Variants in DYNC2H1 observed in about 807,000 individuals in gnomAD.
DYNC2H1 encodes dynein cytoplasmic 2 heavy chain 1, also known as cytoplasmic dynein 2 heavy chain 1.
A neutral mutation model predicts 570.0 loss-of-function variants in DYNC2H1; 410 were observed. The observed-to-expected ratio is 0.72, with a 90% CI of 0.66 to 0.78. The LOEUF (loss-of-function observed/expected upper bound fraction) is 0.78. Among genes scored for constraint, DYNC2H1 ranks in the 30% least tolerant of loss-of-function variants. The pLI, the probability that DYNC2H1 is intolerant of heterozygous loss-of-function variation, is 0.00. For synonymous variants in DYNC2H1, 1,688 were observed against 1,677.6 expected, an observed-to-expected ratio of 1.01 and a Z score of -0.15; for missense variants, 4,865 against 5,046.4, an observed-to-expected ratio of 0.96 and a Z score of 1.09.
At chr11:103,218,179 A>C (rs1055954245) in intron 55 of DYNC2H1, among the ~76,000 whole-genome samples, 1 of 152,200 alleles carries the variant, frequency 6.6e-6, no homozygotes, top group Non-Finnish European at 1.5e-5. Flanking sequence ...AAAGTTAAAC[A>C]TATCTTAGTA....
intron 2 of DYNC2H1, 139 bp downstream of exon 2, chr11:103,113,846 A>T (rs1858237775): frequency 1.1e-6 from 1 of 877,190 alleles, no homozygotes; most frequent in Admixed American, 3.9e-5. Flanking sequence ...ACTTTTTTTA[A>T]CTTAAATTTT....
chr11:103,174,218 G>A lies in DYNC2H1; in HGVS notation c.5674+48G>A, dbSNP rs140810065. 1.8e-5 allele frequency: 26 copies of A among 1,440,140 alleles called. No homozygotes were observed. The African/African-American group carries it at 3.4e-4, about 19-fold the overall frequency. The allele number at this position is 1,440,140 out of a possible 1,614,324, so 89.2% of individuals were successfully genotyped here. A position where few individuals can be genotyped will look rare whatever the true frequency, so the allele number is the denominator to read the frequency against. On this transcript the variant is annotated intron_variant, in intron 36 of 88. Transcript: ENST00000375735. ...CATTAACTTATTTTTAAAAACATAA[G>A]CGTTAATTTAGAATAGTTTGAGATT...
intron 84 of DYNC2H1, among the ~76,000 whole-genome samples, chr11:103,413,907 T>A (rs1056014791): frequency 6.6e-6 from 1 of 152,226 alleles, no homozygotes; most frequent in African/African-American, 2.4e-5. Context: ...GCAAGAGATT[T>A]TAACTTCCAG....
intron 2 of DYNC2H1, 115 bp from the exon 3 acceptor site, chr11:103,113,988 A>G: frequency 8.5e-7 from 1 of 1,182,080 alleles, no homozygotes; most frequent in South Asian, 1.5e-5. Flanking sequence ...CTTCTTATGA[A>G]GTGGAGGTAG....
intron 83 of DYNC2H1, among the ~76,000 whole-genome samples, chr11:103,386,142 T>C (rs1941860584): frequency 6.6e-6 from 1 of 152,198 alleles, no homozygotes; most frequent in Non-Finnish European, 1.5e-5. Flanking sequence ...CTTTAATATG[T>C]TATTCAACAT....
intron 83 of DYNC2H1, among the ~76,000 whole-genome samples, chr11:103,383,474 C>CTA (rs1555115737): frequency 3.5e-5 from 1 of 28,206 alleles, no homozygotes; most frequent in Non-Finnish European, 7.8e-5. Context: ...CCTTTTAAAT[C>CTA]TTTATTTTTT....
At chr11:103,343,636 A>C (rs566863582) in intron 82 of DYNC2H1, among the ~76,000 whole-genome samples, 1 of 152,280 alleles carries the variant, frequency 6.6e-6, no homozygotes, top group East Asian at 1.9e-4. Flanking sequence ...AGTGAGGACA[A>C]AAGGCGTCAC....
chr11:103,156,838 G>A (rs1034613597), intron 26 of DYNC2H1, 68 bp downstream of exon 26: 1 of 1,540,590 alleles, frequency 6.5e-7, no homozygotes, highest in Non-Finnish European at 8.7e-7. Flanking sequence ...ATTGTGAAGT[G>A]CTTAATACAG....
Position 103,129,072 on chromosome 11 carries a change from G to T in DYNC2H1, c.1953+67G>T, listed in dbSNP as rs376666089. 7 of 1,365,146 alleles carry T rather than the reference G, an allele frequency of 5.1e-6. No individual in the cohort carries two copies. Among genetic ancestry groups the T allele is most frequent in the African/African-American group, 3.0e-5 (2 of 67,570 alleles). 84.6% of individuals were successfully genotyped at this position (1,365,146 alleles called of 1,614,324 possible). On this transcript the variant is annotated intron_variant, in intron 13 of 88. Coordinates refer to ENST00000375735, the MANE Select transcript of DYNC2H1 (RefSeq NM_001377.3). This position sits in a 1 kb window ranked among gnomAD's most constrained non-coding sequence, Gnocchi z 4.1. Reference sequence around the variant, plus strand: ...TGAAGTGTTTAATTCTTAATTTTCCGGTGTTCCCTTCAGCTTAATATATCA... The same window carrying T: ...TGAAGTGTTTAATTCTTAATTTTCCTGTGTTCCCTTCAGCTTAATATATCA...
At chr11:103,212,036 G>A (rs1447700512) in intron 54 of DYNC2H1, 93 bp downstream of exon 54, 6 of 1,266,116 alleles carry the variant, frequency 4.7e-6, no homozygotes, top group Non-Finnish European at 5.0e-6. Context: ...GCATATATCT[G>A]GTATTAATAA....
intron 82 of DYNC2H1, among the ~76,000 whole-genome samples, chr11:103,332,719 C>T (rs909382979): frequency 3.3e-5 from 5 of 152,100 alleles, no homozygotes; most frequent in African/African-American, 9.7e-5. Flanking sequence ...AAGTCTTTCT[C>T]GGCTGGGCAC....
chr11:103,114,597 G>A (rs188143241), intron 3 of DYNC2H1, among the ~76,000 whole-genome samples: 34 of 152,288 alleles, frequency 2.2e-4, no homozygotes, highest in African/African-American at 7.9e-4. Flanking sequence ...CGAGGCAGTA[G>A]TTGTGTTCTA....
chr11:103,431,421 G>A (rs1184217362), intron 84 of DYNC2H1, among the ~76,000 whole-genome samples: 2 of 151,690 alleles, frequency 1.3e-5, no homozygotes, highest in Non-Finnish European at 3.0e-5. Flanking sequence ...AGTTACCTGG[G>A]GGTTTACATC....
intron 50 of DYNC2H1, among the ~76,000 whole-genome samples, chr11:103,202,656 C>G (rs1347601170): frequency 6.6e-6 from 1 of 151,878 alleles, no homozygotes; most frequent in Non-Finnish European, 1.5e-5. Flanking sequence ...TTAGTTGAAC[C>G]TAAAGAAAAG....
In DYNC2H1 at chr11:103,260,250, T is replaced by A. The variant is rs188499433; in HGVS notation, c.10695+273T>A. On this transcript the variant is annotated intron_variant, in intron 70 of 88. Coordinates refer to ENST00000375735, the MANE Select transcript of DYNC2H1 (RefSeq NM_001377.3). ...ACCAAAAGAGATAATGACAATGGATTATGTATCTCATTATATAGCTAGACT... is the reference window on the plus strand; with the variant it reads ...ACCAAAAGAGATAATGACAATGGATAATGTATCTCATTATATAGCTAGACT... Among the ~76,000 whole-genome samples the A allele has an allele frequency of 1.1e-3, 167 of 152,274 alleles. 1 individual carries two copies. The highest frequency in any genetic ancestry group is 8.8e-5 in the Non-Finnish European group (6 of 68,020).
intron 82 of DYNC2H1, among the ~76,000 whole-genome samples, chr11:103,329,596 T>A (rs368826443): frequency 6.6e-6 from 1 of 152,184 alleles, no homozygotes; most frequent in African/African-American, 2.4e-5. Context: ...GAGAAATTGT[T>A]ATTACTGATG....
At chr11:103,384,687 A>G (rs1009018435) in intron 83 of DYNC2H1, among the ~76,000 whole-genome samples, 17 of 152,180 alleles carry the variant, frequency 1.1e-4, no homozygotes, top group African/African-American at 3.6e-4. Context: ...GAAGCTTAGT[A>G]TATTGTACTC....
At chr11:103,402,830 T>A (rs1163154790) in intron 84 of DYNC2H1, 1 of 152,040 alleles carries the variant, frequency 6.6e-6, no homozygotes, top group Non-Finnish European at 1.5e-5. Context: ...AGGCTAATAG[T>A]CTCAATGATT....
At chr11:103,187,649 C>T in intron 43 of DYNC2H1, 63 bp downstream of exon 43, 1 of 1,560,872 alleles carries the variant, frequency 6.4e-7, no homozygotes, top group Non-Finnish European at 8.7e-7. Flanking sequence ...ATTAACTTTT[C>T]TTAGAAAATA....
Sources: allele counts gnomAD v4.1 joint callset (sites outside exome capture counted in the v4.1 genomes callset), GRCh38; gene constraint gnomAD v4.1.1; non-coding constraint Gnocchi (gnomAD v3.1); transcripts MANE v1.5; gene names NCBI Gene and HGNC (gene_info 2026-07-23, HGNC 2026-07-21).